DIS3L2: variants seen among roughly 807,000 people sequenced by gnomAD.
The protein encoded by DIS3L2 is DIS3-like exonuclease 2.
A neutral mutation model predicts 97.5 loss-of-function variants in DIS3L2; 34 were observed. That is an observed-to-expected ratio of 0.35 (90% CI 0.27 to 0.46). DIS3L2 has a LOEUF of 0.46. Ranked by LOEUF, DIS3L2 falls within the 20% of genes least tolerant of loss-of-function variation. The pLI, the probability that DIS3L2 is intolerant of heterozygous loss-of-function variation, is 1.00. For synonymous variants in DIS3L2, 435 were observed against 445.2 expected (o/e 0.98, Z 0.29); for missense variants, 1,038 against 1,146.0 (o/e 0.91, Z 1.36).
chr2:232,339,344 G>C (rs962118025), downstream of DIS3L2, among the ~76,000 whole-genome samples: 1 of 152,192 alleles, frequency 6.6e-6, no homozygotes, highest in Non-Finnish European at 1.5e-5. Context: ...CACTGCAGCG[G>C]CTCCACCACC....
chr2:232,303,900 C>CA (rs1694924620), intron 14 of DIS3L2, among the ~76,000 whole-genome samples: 1 of 152,174 alleles, frequency 6.6e-6, no homozygotes, highest in Non-Finnish European at 1.5e-5. Context: ...AGGACAGTCC[C>CA]TAGGACTTGT....
chr2:232,104,085 A>C (rs1697288378), intron 6 of DIS3L2, among the ~76,000 whole-genome samples: 1 of 152,056 alleles, frequency 6.6e-6, no homozygotes, highest in Admixed American at 6.6e-5. Context: ...TTTATTATAA[A>C]TAATTTCTAC....
chr2:232,134,830 G>GA (rs1303657438), intron 7 of DIS3L2, among the ~76,000 whole-genome samples: 33 of 146,384 alleles, frequency 2.3e-4, no homozygotes, highest in Non-Finnish European at 3.5e-4. Context: ...AGGTCTCCAA[G>GA]AAAAAAAAAA....
chr2:232,253,740 T>C (rs1178176248), intron 12 of DIS3L2, among the ~76,000 whole-genome samples: 1 of 151,802 alleles, frequency 6.6e-6, no homozygotes, highest in Non-Finnish European at 1.5e-5. Context: ...AAATAATGCC[T>C]AAAAAAAATC....
chr2:232,147,534 A>C (rs1019304919), intron 8 of DIS3L2, among the ~76,000 whole-genome samples: 6 of 152,244 alleles, frequency 3.9e-5, no homozygotes, highest in African/African-American at 1.4e-4. Context: ...AGAGCTTCTA[A>C]GTTATTTTTG....
Position 232,017,687 on chromosome 2 carries a change from G to A in DIS3L2, c.210+2016G>A, listed in dbSNP as rs1314652452. The stretch of plus-strand genomic sequence containing the variant: ...CTTCCAGTCTTTTCCTCTAAAAACT[G>A]TTCTTCTTGATGTCTCTGTGACTTT... On this transcript the variant is annotated intron_variant, in intron 3 of 20. Coordinates refer to ENST00000325385, the MANE Select transcript of DIS3L2 (RefSeq NM_152383.5). 6.6e-5 allele frequency among the ~76,000 whole-genome samples: 10 copies of A among 152,124 alleles called. No individual in the cohort carries two copies. The East Asian group carries it at 1.9e-3, about 29-fold the overall frequency.
chr2:232,258,404 GA>G (rs1184364189), intron 12 of DIS3L2, among the ~76,000 whole-genome samples: 1 of 152,048 alleles, frequency 6.6e-6, no homozygotes, highest in Non-Finnish European at 1.5e-5. Context: ...CCAACATGGT[GA>G]AACCCCGTCT....
chr2:232,113,950 A>G (rs1209882359), intron 6 of DIS3L2, among the ~76,000 whole-genome samples: 1 of 152,190 alleles, frequency 6.6e-6, no homozygotes, highest in East Asian at 1.9e-4. Flanking sequence ...AGTGCTTGAG[A>G]TATTTTGCAG....
rs12465395 is a variant in DIS3L2, at chr2:232,255,525, T to C, written c.1425+6179T>C. ...AACACTCACAAGAAAATCTTGGACATGTATGCATTCATTAAGCTAGTGCTC... is the reference window on the plus strand; with the variant it reads ...AACACTCACAAGAAAATCTTGGACACGTATGCATTCATTAAGCTAGTGCTC... On this transcript the variant is annotated intron_variant, in intron 12 of 20. Coordinates refer to ENST00000325385, the MANE Select transcript of DIS3L2 (RefSeq NM_152383.5). Among the ~76,000 whole-genome samples, 867 of 152,358 alleles carry C rather than the reference T, an allele frequency of 5.7e-3. 38 individuals are homozygous for C. Among genetic ancestry groups the C allele is most frequent in the Admixed American group, 0.051 (788 of 15,310 alleles).
chr2:232,309,132 C>T (rs943974134), intron 14 of DIS3L2, among the ~76,000 whole-genome samples: 4 of 152,220 alleles, frequency 2.6e-5, no homozygotes, highest in Non-Finnish European at 4.4e-5. Flanking sequence ...TCCCAGGTCA[C>T]TGCTGGTGAG....
At chr2:232,280,459 A>T (rs1246906068) in intron 13 of DIS3L2, among the ~76,000 whole-genome samples, 1 of 152,252 alleles carries the variant, frequency 6.6e-6, no homozygotes, top group Non-Finnish European at 1.5e-5. Flanking sequence ...GAATGGTGCC[A>T]AACACAGGAC....
chr2:232,288,497 T>C (rs1013514543), intron 13 of DIS3L2, among the ~76,000 whole-genome samples: 1 of 152,146 alleles, frequency 6.6e-6, no homozygotes, highest in Non-Finnish European at 1.5e-5. Context: ...AGGTAGAAAG[T>C]CTAGGACCAT....
intron 1 of DIS3L2, among the ~76,000 whole-genome samples, chr2:231,994,849 G>A (rs1283581868): frequency 1.3e-4 from 16 of 122,560 alleles, no homozygotes; most frequent in Admixed American, 1.3e-3. Context: ...GTCTCACTCT[G>A]TCACCCAGGC....
At chr2:232,273,747 G>C (rs531443458) in intron 13 of DIS3L2, among the ~76,000 whole-genome samples, 2 of 152,192 alleles carry the variant, frequency 1.3e-5, no homozygotes, top group Non-Finnish European at 2.9e-5. Context: ...GGCACTCCAG[G>C]GGAAGGGAAA....
At chr2:231,987,721 G>C (rs1387827412) in intron 1 of DIS3L2, among the ~76,000 whole-genome samples, 1 of 152,192 alleles carries the variant, frequency 6.6e-6, no homozygotes, top group African/African-American at 2.4e-5. Flanking sequence ...GAGAAGCAGG[G>C]ATTACAGTGC....
intron 10 of DIS3L2, among the ~76,000 whole-genome samples, chr2:232,222,775 A>G (rs1216910190): frequency 6.6e-6 from 1 of 152,212 alleles, no homozygotes; most frequent in East Asian, 1.9e-4. Context: ...CTGGTGAGTG[A>G]ACAATTTTAA....
At chr2:232,048,443 G>A (rs1695305364) in intron 5 of DIS3L2, among the ~76,000 whole-genome samples, 1 of 152,100 alleles carries the variant, frequency 6.6e-6, no homozygotes, top group South Asian at 2.1e-4. Context: ...CACTTAATAA[G>A]AGTTGTAGGC....
At chr2:232,086,626 TATACAC>T (rs1696639066) in intron 5 of DIS3L2, among the ~76,000 whole-genome samples, 1 of 101,192 alleles carries the variant, frequency 9.9e-6, no homozygotes, top group African/African-American at 4.2e-5. Flanking sequence ...TATATATATA[TATACAC>T]ATATATATAT....
chr2:232,206,246 C>T (rs1692022945), intron 9 of DIS3L2, among the ~76,000 whole-genome samples: 1 of 152,222 alleles, frequency 6.6e-6, no homozygotes, highest in Non-Finnish European at 1.5e-5. Flanking sequence ...GTTAAGAAAT[C>T]AGCCCAGTAT....
Sources: allele counts gnomAD v4.1 joint callset (sites outside exome capture counted in the v4.1 genomes callset), GRCh38; gene constraint gnomAD v4.1.1; transcripts MANE v1.5; gene names NCBI Gene and HGNC (gene_info 2026-07-23, HGNC 2026-07-21).